Variants in SVIL observed in about 807,000 individuals in gnomAD.
SVIL encodes the protein archvillin.
A neutral mutation model predicts 240.4 loss-of-function variants in SVIL; 101 were observed. The ratio of observed to expected loss-of-function variants is 0.42; its 90% CI spans 0.36 to 0.50. SVIL has a LOEUF of 0.50. Ranked by LOEUF, SVIL falls within the 20% of genes least tolerant of loss-of-function variation. The pLI, the probability that SVIL is intolerant of heterozygous loss-of-function variation, is 0.01. For missense variants in SVIL, 2,512 were observed against 2,818.7 expected, an observed-to-expected ratio of 0.89 and a Z score of 2.46; for synonymous variants, 999 against 1,100.0, an observed-to-expected ratio of 0.91 and a Z score of 1.82.
At chr10:29,566,601 T>G (rs530677793) in intron 2 of SVIL, among the ~76,000 whole-genome samples, 1 of 152,190 alleles carries the variant, frequency 6.6e-6, no homozygotes, top group Non-Finnish European at 1.5e-5. Flanking sequence ...CGATCATCAA[T>G]GAAAACACAG....
chr10:29,700,953 G>A (rs1182238677), intron 1 of SVIL, among the ~76,000 whole-genome samples: 1 of 152,190 alleles, frequency 6.6e-6, no homozygotes, highest in Non-Finnish European at 1.5e-5. Context: ...GAGACAAGCT[G>A]TAGACCCAGC....
At chr10:29,471,090 C>T in intron 31 of SVIL, 48 bp downstream of exon 31, 1 of 1,540,308 alleles carries the variant, frequency 6.5e-7, no homozygotes. Context: ...AAATTCTTTC[C>T]AAGAGAGGGA....
rs145980661 is a variant in SVIL at position 29,458,715 on chromosome 10, A to G, written c.6403-126T>C. ...GCCTGAGGATGCATAGTTCCATATC[A>G]CTGAGGAGGAAATGGCTCTGAAAGA... is the stretch of plus-strand genomic sequence containing the variant. On this transcript the variant is annotated intron_variant, in intron 36 of 37. Transcript: ENST00000355867. The G allele has an allele frequency of 6.9e-4, 680 of 981,072 alleles. 6 individuals are homozygous for G. In the East Asian group the frequency reaches 0.012, roughly 18 times the overall value. 60.8% of individuals were successfully genotyped at this position (981,072 alleles called of 1,614,324 possible). A position where few individuals can be genotyped will look rare whatever the true frequency, so the allele number is the denominator to read the frequency against.
chr10:29,640,375 G>T (rs1482842684), intron 3 of SVIL, among the ~76,000 whole-genome samples: 5 of 152,196 alleles, frequency 3.3e-5, no homozygotes, highest in African/African-American at 1.2e-4. Flanking sequence ...TCACTCCTCA[G>T]TTGTTTCACT....
intron 2 of SVIL, among the ~76,000 whole-genome samples, chr10:29,667,147 C>G (rs1334511048): frequency 6.6e-6 from 1 of 151,972 alleles, no homozygotes; most frequent in Non-Finnish European, 1.5e-5. Flanking sequence ...TGTATTTACT[C>G]AAGAAAAAGT....
chr10:29,666,446 C>T (rs1959302688), intron 2 of SVIL, among the ~76,000 whole-genome samples: 1 of 152,218 alleles, frequency 6.6e-6, no homozygotes, highest in Admixed American at 6.5e-5. Flanking sequence ...ATATCCCACA[C>T]CTAAGGATAC....
chr10:29,473,304 C>T (rs1275041143), intron 30 of SVIL, among the ~76,000 whole-genome samples: 2 of 152,210 alleles, frequency 1.3e-5, no homozygotes, highest in African/African-American at 4.8e-5. Flanking sequence ...GTTCCCAATC[C>T]TTACATTCAC....
At position 29,645,878 on chromosome 10, in the gene SVIL, G is replaced by T. The variant is rs11007681; in HGVS notation, c.-201+12091C>A. 1.9e-3 allele frequency among the ~76,000 whole-genome samples: 284 copies of T among 152,332 alleles called. 4 individuals carry two copies. In the East Asian group the frequency reaches 0.047, roughly 25 times the overall value. On this transcript the variant is annotated intron_variant, in intron 3 of 35. Coordinates refer to the SVIL transcript ENST00000375400. ...CTCGTTAGTGGGATAGTGGGTGCAA[G>T]TTGCATCAAAGGGAAGAGAGAAAAT... is the stretch of plus-strand genomic sequence containing the variant.
rs372846882 is a variant in SVIL at position 29,555,082 on chromosome 10, G to C, written c.-24C>G. The C allele has an allele frequency of 6.2e-7, 1 of 1,611,882 alleles. No homozygotes were observed. The highest frequency in any genetic ancestry group is 1.3e-5 in the African/African-American group (1 of 74,718). ...ATTTCTAAGAATTCTTTCTTCTTTGGTTCAAAGATTTGTCTTAATTCTGCA... is the reference window on the plus strand; with the variant it reads ...ATTTCTAAGAATTCTTTCTTCTTTGCTTCAAAGATTTGTCTTAATTCTGCA... On this transcript the variant is annotated 5_prime_UTR_variant, in exon 4 of 38. Coordinates refer to ENST00000355867, the MANE Select transcript of SVIL (RefSeq NM_021738.3).
chr10:29,652,219 C>T (rs1374954882), intron 3 of SVIL, among the ~76,000 whole-genome samples: 2 of 152,170 alleles, frequency 1.3e-5, no homozygotes, highest in African/African-American at 4.8e-5. Context: ...CCACCATACA[C>T]CCCCTGTCGT....
At chr10:29,627,068 A>G (rs1957904406) in intron 1 of SVIL, among the ~76,000 whole-genome samples, 1 of 152,036 alleles carries the variant, frequency 6.6e-6, no homozygotes, top group Non-Finnish European at 1.5e-5. Flanking sequence ...AAAATAAATA[A>G]TAAGAATCAA....
chr10:29,615,987 T>C (rs1259869255), intron 1 of SVIL, among the ~76,000 whole-genome samples: 1 of 152,256 alleles, frequency 6.6e-6, no homozygotes, highest in East Asian at 1.9e-4. Flanking sequence ...TGATACCCCA[T>C]ATCTAAATAA....
chr10:29,699,883 T>C (rs1439329857), intron 1 of SVIL, among the ~76,000 whole-genome samples: 1 of 152,218 alleles, frequency 6.6e-6, no homozygotes, highest in Admixed American at 6.5e-5. Context: ...AGTTGGCTAC[T>C]GAACAGTGAT....
At chr10:29,659,396 G>A (rs189388171) in intron 2 of SVIL, among the ~76,000 whole-genome samples, 121 of 152,198 alleles carry the variant, frequency 8.0e-4, no homozygotes, top group Middle Eastern at 6.8e-3. Context: ...TCTTACCGCC[G>A]GAAAAAGTCA....
intron 1 of SVIL, among the ~76,000 whole-genome samples, chr10:29,603,312 G>C (rs368445251): frequency 6.6e-6 from 1 of 151,888 alleles, no homozygotes; most frequent in South Asian, 2.1e-4. Context: ...AAGAAAAAGA[G>C]AAGCAGGGGG....
intron 27 of SVIL, chr10:29,483,367 T>C (rs903616939): frequency 1.5e-4 from 23 of 152,230 alleles, no homozygotes; most frequent in Non-Finnish European, 1.5e-5. Flanking sequence ...CCTCATTTGC[T>C]AAGAAGGTCT....
At chr10:29,561,200 A>G (rs1000701639) in intron 3 of SVIL, among the ~76,000 whole-genome samples, 4 of 152,168 alleles carry the variant, frequency 2.6e-5, no homozygotes, top group Admixed American at 2.6e-4. Context: ...GTGAACACAT[A>G]AAATCGTCAT....
intron 1 of SVIL, among the ~76,000 whole-genome samples, chr10:29,730,981 C>T (rs1335586299): frequency 1.8e-4 from 28 of 152,150 alleles, no homozygotes; most frequent in Admixed American, 1.3e-3. Context: ...AGGCACAATA[C>T]GAAATCTTTT....
chr10:29,577,740 G>T (rs1369716870), intron 1 of SVIL, among the ~76,000 whole-genome samples: 1 of 152,062 alleles, frequency 6.6e-6, no homozygotes, highest in Non-Finnish European at 1.5e-5. Flanking sequence ...TCTACTTTTG[G>T]TTCCTTAAGG....
Sources: gnomAD v4.1 joint callset for allele counts (sites outside exome capture counted in the v4.1 genomes callset) on GRCh38, gnomAD v4.1.1 for gene constraint, MANE v1.5 for transcripts, NCBI Gene and HGNC (gene_info 2026-07-23, HGNC 2026-07-21) for gene names.